RIMS2: variants seen among roughly 807,000 people sequenced by gnomAD.
The protein encoded by RIMS2 is regulating synaptic membrane exocytosis 2.
In RIMS2, 59 loss-of-function variants were observed where a neutral mutation model predicts 174.4. That is an observed-to-expected ratio of 0.34 (90% CI 0.27 to 0.42). The LOEUF (loss-of-function observed/expected upper bound fraction) is 0.42, where lower values mean the gene tolerates loss of function less well. Ranked by LOEUF, RIMS2 falls within the 10% of genes least tolerant of loss-of-function variation. The pLI is 1.00. For synonymous variants in RIMS2, 606 were observed against 572.5 expected (o/e 1.06, Z -0.84); for missense variants, 1,620 against 1,666.3 (o/e 0.97, Z 0.48).
At chr8:104,083,410 A>G (rs1262277001) in intron 19 of RIMS2, among the ~76,000 whole-genome samples, 2 of 152,130 alleles carry the variant, frequency 1.3e-5, no homozygotes, top group African/African-American at 4.8e-5. Flanking sequence ...TTCTGTTGCA[A>G]CTTTTGGGAT....
chr8:103,919,770 A>G (rs1275534175), intron 9 of RIMS2, among the ~76,000 whole-genome samples: 1 of 152,190 alleles, frequency 6.6e-6, no homozygotes, highest in African/African-American at 2.4e-5. Flanking sequence ...ATACTTTACA[A>G]TATGGTCCCA....
intron 14 of RIMS2, among the ~76,000 whole-genome samples, chr8:103,944,619 G>A (rs1275382413): frequency 6.6e-6 from 1 of 151,958 alleles, no homozygotes; most frequent in Non-Finnish European, 1.5e-5. Context: ...TAGAGTACTG[G>A]TTAGCTGTAT....
chr8:103,508,730 A>C (rs1022899006), intron 1 of RIMS2, among the ~76,000 whole-genome samples: 7 of 152,120 alleles, frequency 4.6e-5, no homozygotes, highest in Non-Finnish European at 7.4e-5. Context: ...GTAATACTAG[A>C]GATAAAGGCA....
chr8:103,706,611 C>T (rs1175267892), intron 2 of RIMS2, among the ~76,000 whole-genome samples: 1 of 152,064 alleles, frequency 6.6e-6, no homozygotes, highest in Non-Finnish European at 1.5e-5. Flanking sequence ...TTGAATATGT[C>T]ACCTCACTTC....
At chr8:103,658,939 A>C (rs913795798) in intron 1 of RIMS2, among the ~76,000 whole-genome samples, 2 of 152,196 alleles carry the variant, frequency 1.3e-5, no homozygotes, top group African/African-American at 4.8e-5. Context: ...TGAAATTTAA[A>C]AATATGTGGG....
At chr8:103,690,455 A>G (rs13263630) in intron 1 of RIMS2, among the ~76,000 whole-genome samples, 25,116 of 151,816 alleles carry the variant, frequency 0.17, 2,187 homozygotes, top group African/African-American at 0.2. Context: ...CTTTTTGTGT[A>G]TCTGTTGTAT....
At chr8:103,824,537 C>T (rs1273917170) in intron 3 of RIMS2, among the ~76,000 whole-genome samples, 1 of 152,154 alleles carries the variant, frequency 6.6e-6, no homozygotes, top group Non-Finnish European at 1.5e-5. Context: ...AAACCCATTG[C>T]ACGTTAAAAA....
chr8:103,803,097 C>A (rs920704657), intron 3 of RIMS2, among the ~76,000 whole-genome samples: 2 of 151,940 alleles, frequency 1.3e-5, no homozygotes, highest in African/African-American at 2.4e-5. Flanking sequence ...GTGCATGGAA[C>A]CTACCCTATT....
intron 3 of RIMS2, among the ~76,000 whole-genome samples, chr8:103,831,084 C>T (rs1008914078): frequency 2.6e-5 from 4 of 152,210 alleles, no homozygotes; most frequent in Non-Finnish European, 5.9e-5. Flanking sequence ...ACTGGGATTA[C>T]AGGCATCAGC....
intron 14 of RIMS2, among the ~76,000 whole-genome samples, chr8:103,958,219 G>A (rs991864064): frequency 1.7e-4 from 26 of 152,210 alleles, no homozygotes; most frequent in Admixed American, 2.6e-4. Flanking sequence ...ATACTATGAC[G>A]CCATAAAAAA....
chr8:103,623,478 GTTTTT>G (rs71575976), intron 1 of RIMS2, among the ~76,000 whole-genome samples: 3 of 83,238 alleles, frequency 3.6e-5, no homozygotes, highest in Middle Eastern at 0.013. Context: ...GGTTTCTTCA[GTTTTT>G]TTTTTTTTTT....
intron 1 of RIMS2, among the ~76,000 whole-genome samples, chr8:103,563,132 G>A (rs1168655662): frequency 6.6e-6 from 1 of 152,178 alleles, no homozygotes; most frequent in Non-Finnish European, 1.5e-5. Flanking sequence ...TTTCTCCATT[G>A]TCTTGGTGAT....
chr8:103,813,568 C>T (rs970060859), intron 3 of RIMS2, among the ~76,000 whole-genome samples: 6 of 152,118 alleles, frequency 3.9e-5, no homozygotes, highest in Non-Finnish European at 8.8e-5. Flanking sequence ...CACCCCACGA[C>T]AGGCCCCAGT....
At chr8:103,815,617 C>G (rs2098713768) in intron 3 of RIMS2, among the ~76,000 whole-genome samples, 1 of 152,186 alleles carries the variant, frequency 6.6e-6, no homozygotes, top group African/African-American at 2.4e-5. Flanking sequence ...TTGAGTTTAT[C>G]TAATTTTTCT....
intron 1 of RIMS2, among the ~76,000 whole-genome samples, chr8:103,595,807 T>A (rs1001287007): frequency 2.6e-5 from 4 of 151,992 alleles, no homozygotes; most frequent in Non-Finnish European, 4.4e-5. Context: ...AGTCGTAGTA[T>A]AATTTTAAGA....
chr8:103,794,301 T>C (rs2098531125), intron 3 of RIMS2, among the ~76,000 whole-genome samples: 1 of 152,090 alleles, frequency 6.6e-6, no homozygotes, highest in Non-Finnish European at 1.5e-5. Flanking sequence ...CATCTGATCT[T>C]TGACAAACGG....
chr8:103,761,288 G>A (rs73697655), intron 2 of RIMS2, among the ~76,000 whole-genome samples: 8 of 152,284 alleles, frequency 5.3e-5, no homozygotes, highest in African/African-American at 1.9e-4. Flanking sequence ...ATACAAGATT[G>A]TGCTAGTAAT....
intron 19 of RIMS2, among the ~76,000 whole-genome samples, chr8:104,088,630 T>C (rs889278635): frequency 6.6e-6 from 1 of 152,150 alleles, no homozygotes; most frequent in East Asian, 1.9e-4. Flanking sequence ...TCTGGTGAGA[T>C]TTATTGAAGA....
At chr8:103,619,859 A>T (rs1260501872) in intron 1 of RIMS2, among the ~76,000 whole-genome samples, 2 of 152,184 alleles carry the variant, frequency 1.3e-5, no homozygotes, top group East Asian at 3.8e-4. Context: ...TTTTTCTGCT[A>T]CAAGATGTAT....
Sources: gnomAD v4.1 joint callset for allele counts (sites outside exome capture counted in the v4.1 genomes callset) on GRCh38, gnomAD v4.1.1 for gene constraint, MANE v1.5 for transcripts, NCBI Gene and HGNC (gene_info 2026-07-23, HGNC 2026-07-21) for gene names.